PCSK2: variants seen among roughly 807,000 people sequenced by gnomAD.
PCSK2 encodes the protein proprotein convertase subtilisin/kexin type 2.
PCSK2 carries 14 observed loss-of-function variants against 69.7 expected under a neutral mutation model. The ratio of observed to expected loss-of-function variants is 0.20; its 90% CI spans 0.13 to 0.31. The LOEUF is 0.31. PCSK2 is among the 10% of genes least tolerant of loss of function. The pLI, the probability that PCSK2 is intolerant of heterozygous loss-of-function variation, is 1.00. For missense variants in PCSK2, 544 were observed against 842.5 expected (o/e 0.65, Z 4.39); for synonymous variants, 307 against 320.7 (o/e 0.96, Z 0.46).
chr20:17,310,067 T>TCAGGAG (rs1989456225), intron 2 of PCSK2, among the ~76,000 whole-genome samples: 1 of 151,596 alleles, frequency 6.6e-6, no homozygotes, highest in Non-Finnish European at 1.5e-5. Context: ...ATCTTCCAAA[T>TCAGGAG]CAGGAGCAGG....
In PCSK2 at chr20:17,479,843, A is replaced by G. The variant is rs1459637663; in HGVS notation, c.1431-1741A>G. ...AAAAGAACTATCCACAATGACAGTG[A>G]AACTTCGAGTGCTTAAATAACCTGC... On this transcript the variant is annotated intron_variant, in intron 11 of 11. Transcript: ENST00000262545. 5.3e-5 allele frequency among the ~76,000 whole-genome samples: 8 copies of G among 151,346 alleles called. No individual in the cohort carries two copies. In the East Asian group the frequency reaches 1.5e-3, roughly 29 times the overall value.
At chr20:17,355,747 T>C (rs2030175850) in intron 2 of PCSK2, among the ~76,000 whole-genome samples, 2 of 152,004 alleles carry the variant, frequency 1.3e-5, no homozygotes, top group Admixed American at 1.3e-4. Flanking sequence ...GGCCCCCAGC[T>C]GCTGCACTCT....
chr20:17,384,541 G>T lies in PCSK2; in HGVS notation c.543+15264G>T, dbSNP rs562974228. 6.3e-4 allele frequency among the ~76,000 whole-genome samples: 96 copies of T among 152,208 alleles called. 1 individual carries two copies. The highest frequency in any genetic ancestry group is 2.2e-3 in the African/African-American group (92 of 41,520). On this transcript the variant is annotated intron_variant, in intron 5 of 11. Transcript: ENST00000262545. ...TGCTTGAACCCAGGAGGTGGAGGTT[G>T]CAGTGAGCCAAGATAGTGCCATTGC...
intron 2 of PCSK2, among the ~76,000 whole-genome samples, chr20:17,261,148 G>T (rs927388180): frequency 6.6e-6 from 1 of 152,016 alleles, no homozygotes; most frequent in Non-Finnish European, 1.5e-5. Context: ...CATCCAATTG[G>T]GTAGATTCTG....
At chr20:17,347,966 GAAAGAA>G in intron 2 of PCSK2, among the ~76,000 whole-genome samples, 1 of 53,598 alleles carries the variant, frequency 1.9e-5, no homozygotes, top group South Asian at 6.0e-4. Context: ...GAAAGAGAAA[GAAAGAA>G]AGAAAGAAAG....
intron 2 of PCSK2, among the ~76,000 whole-genome samples, chr20:17,302,304 G>T (rs1414903057): frequency 2.0e-5 from 3 of 152,026 alleles, no homozygotes; most frequent in South Asian, 2.1e-4. Context: ...TTTGTCATTT[G>T]CCCTGAGCAT....
intron 5 of PCSK2, among the ~76,000 whole-genome samples, chr20:17,377,478 G>A (rs150194654): frequency 1.3e-5 from 2 of 152,352 alleles, no homozygotes; most frequent in East Asian, 3.9e-4. Context: ...ATAAAAGGGC[G>A]ACAGCAAGAA....
chr20:17,278,527 A>G (rs1242788659), intron 2 of PCSK2, among the ~76,000 whole-genome samples: 1 of 152,136 alleles, frequency 6.6e-6, no homozygotes, highest in Non-Finnish European at 1.5e-5. Flanking sequence ...CAATGAGAAC[A>G]CATGGACACA....
intron 1 of PCSK2, among the ~76,000 whole-genome samples, chr20:17,234,568 C>T (rs1299425967): frequency 6.6e-6 from 1 of 152,156 alleles, no homozygotes; most frequent in Non-Finnish European, 1.5e-5. Context: ...TCGATATTAT[C>T]AGTAGTAGAA....
At chr20:17,266,934 G>A (rs1203871325) in intron 2 of PCSK2, among the ~76,000 whole-genome samples, 3 of 152,164 alleles carry the variant, frequency 2.0e-5, no homozygotes, top group Non-Finnish European at 4.4e-5. Flanking sequence ...ATGTGTGAGG[G>A]CCCTAAAGAG....
intron 1 of PCSK2, among the ~76,000 whole-genome samples, chr20:17,240,774 A>G (rs1409986286): frequency 6.6e-6 from 1 of 152,164 alleles, no homozygotes; most frequent in African/African-American, 2.4e-5. Context: ...TTTGAATCCC[A>G]TTGTGGACTG....
At chr20:17,416,326 C>T (rs1471386241) in intron 6 of PCSK2, among the ~76,000 whole-genome samples, 1 of 152,072 alleles carries the variant, frequency 6.6e-6, no homozygotes, top group Non-Finnish European at 1.5e-5. Flanking sequence ...AACAAATTTA[C>T]AAGAAAAAGA....
chr20:17,347,900 GAA>G lies in PCSK2; in HGVS notation c.283-10425_283-10424del, dbSNP rs546002046. Among the ~76,000 whole-genome samples the G allele has an allele frequency of 1.3e-4, 3 of 22,690 alleles. 1 individual carries two copies. Among genetic ancestry groups the G allele is most frequent in the African/African-American group, 4.0e-4 (3 of 7,504 alleles). 14.9% of individuals were successfully genotyped at this position (22,690 alleles called of 152,430 possible). On this transcript the variant is annotated intron_variant, in intron 2 of 11. Coordinates refer to ENST00000262545, the MANE Select transcript of PCSK2 (RefSeq NM_002594.5). ...AGAAAGAAAGAAAGAAAGAAAGAAA[GAA>G]AGAAAGAAAGAAAGAAAGGAGAGAG...
At chr20:17,381,312 C>T (rs1568626246) in intron 5 of PCSK2, among the ~76,000 whole-genome samples, 1 of 152,190 alleles carries the variant, frequency 6.6e-6, no homozygotes, top group Non-Finnish European at 1.5e-5. Context: ...CTGCACTTTC[C>T]ATGTGGCATG....
upstream of PCSK2, among the ~76,000 whole-genome samples, chr20:17,226,696 G>T (rs1985916001): frequency 1.3e-5 from 2 of 151,802 alleles, no homozygotes; most frequent in African/African-American, 4.8e-5. Flanking sequence ...TCACTCCGCC[G>T]CCGCTGGCCT....
At chr20:17,468,792 C>T (rs1027258948) in intron 11 of PCSK2, among the ~76,000 whole-genome samples, 1 of 151,950 alleles carries the variant, frequency 6.6e-6, no homozygotes, top group Non-Finnish European at 1.5e-5. Flanking sequence ...CTGCTATAGA[C>T]GGGCAGCCCA....
intron 1 of PCSK2, among the ~76,000 whole-genome samples, chr20:17,240,766 T>C (rs942342274): frequency 5.3e-5 from 8 of 152,210 alleles, no homozygotes; most frequent in African/African-American, 1.9e-4. Flanking sequence ...CATCATAGTT[T>C]GAATCCCATT....
chr20:17,237,801 G>T (rs774998142), intron 1 of PCSK2, among the ~76,000 whole-genome samples: 1 of 152,196 alleles, frequency 6.6e-6, no homozygotes, highest in Non-Finnish European at 1.5e-5. Context: ...CATAAAGCAA[G>T]TTGTCACTGT....
chr20:17,284,696 T>C (rs1988451266), intron 2 of PCSK2, among the ~76,000 whole-genome samples: 2 of 152,110 alleles, frequency 1.3e-5, no homozygotes, highest in Non-Finnish European at 2.9e-5. Context: ...GCCAAGACAC[T>C]GGATTGTGAC....
Sources: allele counts gnomAD v4.1 joint callset (sites outside exome capture counted in the v4.1 genomes callset), GRCh38; gene constraint gnomAD v4.1.1; transcripts MANE v1.5; gene names NCBI Gene and HGNC (gene_info 2026-07-23, HGNC 2026-07-21).